DOCK4: variants seen among roughly 807,000 people sequenced by gnomAD.
The protein encoded by DOCK4 is dedicator of cytokinesis protein 4.
In DOCK4, 97 loss-of-function variants were observed where a neutral mutation model predicts 268.1. The ratio of observed to expected loss-of-function variants is 0.36; its 90% CI spans 0.31 to 0.43. The LOEUF (loss-of-function observed/expected upper bound fraction) is 0.43. DOCK4 is among the 20% of genes least tolerant of loss of function. The pLI, the probability that DOCK4 is intolerant of heterozygous loss-of-function variation, is 1.00. For synonymous variants in DOCK4, 954 were observed against 887.2 expected, an observed-to-expected ratio of 1.08 and a Z score of -1.34; for missense variants, 2,145 against 2,455.7, an observed-to-expected ratio of 0.87 and a Z score of 2.67.
At chr7:112,109,717 T>C (rs2115656409) in intron 1 of DOCK4, among the ~76,000 whole-genome samples, 1 of 151,036 alleles carries the variant, frequency 6.6e-6, no homozygotes, top group Non-Finnish European at 1.5e-5. Flanking sequence ...TATAGCACTA[T>C]TTTTTTTTAA....
intron 12 of DOCK4, among the ~76,000 whole-genome samples, chr7:111,917,996 CAAT>C (rs911969286): frequency 2.1e-4 from 32 of 152,078 alleles, no homozygotes; most frequent in Non-Finnish European, 1.8e-4. Flanking sequence ...AGCAAACAAA[CAAT>C]AACAATGAAA....
intron 47 of DOCK4, among the ~76,000 whole-genome samples, chr7:111,740,711 A>G (rs924256647): frequency 1.6e-5 from 2 of 121,438 alleles, no homozygotes; most frequent in Non-Finnish European, 3.2e-5. Flanking sequence ...CCAGACTGGG[A>G]GACAGAGTGA....
At chr7:112,068,828 C>G (rs930482471) in intron 1 of DOCK4, among the ~76,000 whole-genome samples, 15 of 152,090 alleles carry the variant, frequency 9.9e-5, no homozygotes, top group African/African-American at 3.6e-4. Flanking sequence ...TTCAGAGAGC[C>G]CTGAGATGTA....
intron 1 of DOCK4, among the ~76,000 whole-genome samples, chr7:112,018,179 A>AAAAAAAAAAAAAAAAAAAAAAAACACAC: frequency 2.8e-5 from 2 of 72,590 alleles, no homozygotes. Context: ...AAAAAAAAAA[A>AAAAAAAAAAAAAAAAAAAAAAAACACAC]ACACAGGCAA....
At chr7:111,970,632 C>T (rs766147172) in intron 8 of DOCK4, among the ~76,000 whole-genome samples, 13 of 152,114 alleles carry the variant, frequency 8.5e-5, no homozygotes, top group South Asian at 2.1e-4. Context: ...CTGGAAAACT[C>T]GTTTTATAAA....
rs549699304 is a variant in DOCK4, at chr7:111,977,371, G to A, written c.550-88C>T. On this transcript the variant is annotated intron_variant, in intron 7 of 52. Transcript: ENST00000428084. ...CAAACTAGTTAGCTATGAGGTGACTGTGATGTCCTACGCCATAACTTTTTA... is the reference window on the plus strand; with the variant it reads ...CAAACTAGTTAGCTATGAGGTGACTATGATGTCCTACGCCATAACTTTTTA... The A allele has an allele frequency of 4.2e-5, 59 of 1,407,770 alleles. No homozygotes were observed. In the African/African-American group the frequency reaches 8.0e-4, roughly 19 times the overall value. 87.2% of individuals were successfully genotyped at this position (1,407,770 alleles called of 1,614,324 possible).
intron 1 of DOCK4, among the ~76,000 whole-genome samples, chr7:112,074,424 G>A (rs1807877445): frequency 1.3e-5 from 2 of 152,198 alleles, no homozygotes; most frequent in African/African-American, 4.8e-5. Context: ...TTCTGTGTCG[G>A]TTATTAAACC....
At chr7:112,163,715 T>C (rs1817343997) in intron 1 of DOCK4, among the ~76,000 whole-genome samples, 1 of 152,188 alleles carries the variant, frequency 6.6e-6, no homozygotes, top group African/African-American at 2.4e-5. Context: ...ATTTTACAAA[T>C]GAAGAAACTA....
intron 1 of DOCK4, among the ~76,000 whole-genome samples, chr7:112,149,681 T>C (rs575947528): frequency 1.3e-5 from 2 of 152,318 alleles, no homozygotes; most frequent in South Asian, 4.1e-4. Context: ...AATTCATCTG[T>C]CACCAGGAGA....
chr7:111,806,300 C>T (rs1442733058), intron 30 of DOCK4, among the ~76,000 whole-genome samples: 1 of 152,154 alleles, frequency 6.6e-6, no homozygotes, highest in Non-Finnish European at 1.5e-5. Context: ...CAAAATGTCA[C>T]TCTGAATACT....
intron 39 of DOCK4, among the ~76,000 whole-genome samples, chr7:111,762,907 C>CA (rs1343681108): frequency 6.6e-6 from 1 of 151,204 alleles, no homozygotes; most frequent in African/African-American, 2.4e-5. Flanking sequence ...ACTGGAACCA[C>CA]AGGCGCACGC....
At chr7:111,811,979 A>G in intron 27 of DOCK4, 30 bp from the exon 28 acceptor site, 1 of 1,249,724 alleles carries the variant, frequency 8.0e-7, no homozygotes, top group South Asian at 1.4e-5. Flanking sequence ...CAAGGTGAAA[A>G]CTTCATATTA....
Position 111,747,260 on chromosome 7 carries a change from T to C in DOCK4, c.4593+7A>G. 4.3e-6 allele frequency: 7 copies of C among 1,610,908 alleles called. No individual in the cohort carries two copies. Among genetic ancestry groups the C allele is most frequent in the Non-Finnish European group, 5.9e-6 (7 of 1,178,804 alleles). On this transcript the variant is annotated splice_region_variant and intron_variant, in intron 43 of 52. Transcript: ENST00000428084. The stretch of plus-strand genomic sequence containing the variant: ...CTTTCTCTGAAACAACAATACCTAA[T>C]CCTTACCTCTTGATACCTGGAAACG...
intron 1 of DOCK4, among the ~76,000 whole-genome samples, chr7:112,120,387 G>A (rs186571724): frequency 7.9e-5 from 12 of 152,112 alleles, no homozygotes; most frequent in East Asian, 7.7e-4. Context: ...AAAGAAATCC[G>A]GTCTCAAATT....
rs998209528 is a variant in DOCK4 at position 112,000,646 on chromosome 7, C to A, written c.122-112G>T. On this transcript the variant is annotated intron_variant, in intron 2 of 52. Transcript: ENST00000428084. ...GAATTTTACCATACATGAAAAGATTCTATGGATAAATATGGTAGGTATTGG... is the reference window on the plus strand; with the variant it reads ...GAATTTTACCATACATGAAAAGATTATATGGATAAATATGGTAGGTATTGG... 6.6e-6 allele frequency: 5 copies of A among 762,224 alleles called. No homozygotes were observed. In the African/African-American group the frequency reaches 8.9e-5, roughly 14 times the overall value. 47.2% of individuals were successfully genotyped at this position (762,224 alleles called of 1,614,324 possible).
At chr7:111,741,415 C>G in intron 46 of DOCK4, 125 bp downstream of exon 46, 1 of 1,439,700 alleles carries the variant, frequency 6.9e-7, no homozygotes, top group South Asian at 1.4e-5. Flanking sequence ...GCAGCTGCCT[C>G]GCGGGTTAGT....
At chr7:111,855,645 G>C (rs1357159179) in intron 23 of DOCK4, among the ~76,000 whole-genome samples, 1 of 152,084 alleles carries the variant, frequency 6.6e-6, no homozygotes, top group African/African-American at 2.4e-5. Context: ...ACTAACTGAG[G>C]CTAAGCAGGT....
At chr7:111,903,992 G>C (rs747460977) in intron 13 of DOCK4, among the ~76,000 whole-genome samples, 2 of 152,108 alleles carry the variant, frequency 1.3e-5, no homozygotes, top group Admixed American at 6.5e-5. Flanking sequence ...AACCACACAG[G>C]GATTAACTGT....
At chr7:111,919,067 C>T (rs554287276) in intron 12 of DOCK4, among the ~76,000 whole-genome samples, 2 of 151,648 alleles carry the variant, frequency 1.3e-5, no homozygotes, top group Admixed American at 1.3e-4. Context: ...CTTGTTTTGC[C>T]CTATAGGAGC....
Sources: gnomAD v4.1 joint callset for allele counts (sites outside exome capture counted in the v4.1 genomes callset) on GRCh38, gnomAD v4.1.1 for gene constraint, MANE v1.5 for transcripts, NCBI Gene and HGNC (gene_info 2026-07-23, HGNC 2026-07-21) for gene names.